The following TBC1D32 variants were observed in gnomAD, a reference collection of about 807,000 sequenced individuals.
TBC1D32 encodes TBC1 domain family member 32.
Under a neutral mutation model 170.3 loss-of-function variants are expected in TBC1D32, and 151 were observed. That is an observed-to-expected ratio of 0.89 (90% CI 0.78 to 1.01). The LOEUF (loss-of-function observed/expected upper bound fraction) is 1.01, where lower values mean the gene tolerates loss of function less well. Among genes scored for constraint, TBC1D32 ranks in the 50% least tolerant of loss-of-function variants. The probability of loss-of-function intolerance (pLI) is 0.00; values close to 1 mark genes in which losing one functional copy is unlikely to be tolerated. For synonymous variants in TBC1D32, 498 were observed against 488.0 expected, an observed-to-expected ratio of 1.02 and a Z score of -0.27; for missense variants, 1,464 against 1,457.1, an observed-to-expected ratio of 1.00 and a Z score of -0.08.
chr6:121,216,531 T>C (rs146779924), intron 21 of TBC1D32, among the ~76,000 whole-genome samples: 1 of 152,294 alleles, frequency 6.6e-6, no homozygotes, highest in East Asian at 1.9e-4. Flanking sequence ...AGGACTCTAT[T>C]TCTAAAAGTA....
intron 22 of TBC1D32, among the ~76,000 whole-genome samples, chr6:121,179,321 T>A (rs953978371): frequency 5.3e-5 from 8 of 150,878 alleles, no homozygotes; most frequent in Admixed American, 4.0e-4. Context: ...TGTGCATGTG[T>A]GTGAAAATTA....
chr6:121,294,342 A>G (rs1805299957), intron 11 of TBC1D32, among the ~76,000 whole-genome samples: 1 of 152,200 alleles, frequency 6.6e-6, no homozygotes. Flanking sequence ...ACTGCATCTA[A>G]TAAGAATCAG....
chr6:121,293,353 T>C (rs967638837), intron 11 of TBC1D32, among the ~76,000 whole-genome samples: 47 of 152,126 alleles, frequency 3.1e-4, no homozygotes, highest in African/African-American at 1.1e-3. Flanking sequence ...CTACACTTTC[T>C]CCTCCCCTAC....
Position 121,081,027 on chromosome 6 carries a change from T to A in TBC1D32, c.3655-137A>T, listed in dbSNP as rs1775591045. The A allele has an allele frequency of 1.2e-4, 108 of 929,232 alleles. No individual in the cohort carries two copies. In the South Asian group the frequency reaches 1.9e-3, roughly 16 times the overall value. The allele number at this position is 929,232 out of a possible 1,614,324, so 57.6% of individuals were successfully genotyped here. A position where few individuals can be genotyped will look rare whatever the true frequency, so the allele number is the denominator to read the frequency against. On this transcript the variant is annotated intron_variant, in intron 31 of 31. Transcript: ENST00000398212. Reference sequence around the variant, plus strand: ...GCTGTTTATGTTGCCAGTAAATGTGTCATTGCTTTTTATTTAGTGAGCTGT... The same window carrying A: ...GCTGTTTATGTTGCCAGTAAATGTGACATTGCTTTTTATTTAGTGAGCTGT...
chr6:121,149,741 C>T (rs1397431655), intron 24 of TBC1D32, among the ~76,000 whole-genome samples: 1 of 152,024 alleles, frequency 6.6e-6, no homozygotes, highest in African/African-American at 2.4e-5. Context: ...GCTATACGGG[C>T]TCTCTATCGG....
At chr6:121,142,764 A>G (rs762644640) in intron 24 of TBC1D32, among the ~76,000 whole-genome samples, 6 of 152,190 alleles carry the variant, frequency 3.9e-5, no homozygotes, top group Non-Finnish European at 7.4e-5. Flanking sequence ...CTGAAATGCA[A>G]CATAGTAGAG....
chr6:121,247,082 G>T (rs113743909), intron 17 of TBC1D32, among the ~76,000 whole-genome samples: 7,713 of 152,022 alleles, frequency 0.051, 370 homozygotes, highest in African/African-American at 0.12. Flanking sequence ...AAAAGCATCA[G>T]GTAACCTGTA....
intron 5 of TBC1D32, 73 bp from the exon 6 acceptor site, chr6:121,304,906 C>T: frequency 2.1e-6 from 2 of 965,872 alleles, no homozygotes; most frequent in East Asian, 2.4e-5. Flanking sequence ...ATTTTTCACA[C>T]AGTAAAAACT....
At chr6:121,263,173 T>C (rs1799989323) in intron 15 of TBC1D32, among the ~76,000 whole-genome samples, 2 of 151,582 alleles carry the variant, frequency 1.3e-5, no homozygotes, top group Non-Finnish European at 2.9e-5. Flanking sequence ...GTGTGCTGTA[T>C]TCAAGAGACT....
intron 22 of TBC1D32, among the ~76,000 whole-genome samples, chr6:121,174,648 C>T (rs1027884089): frequency 1.3e-5 from 2 of 152,156 alleles, no homozygotes; most frequent in African/African-American, 4.8e-5. Context: ...AAACATATTA[C>T]AAACTGTAAG....
At chr6:121,111,021 T>A (rs553444083) in intron 29 of TBC1D32, among the ~76,000 whole-genome samples, 1 of 152,146 alleles carries the variant, frequency 6.6e-6, no homozygotes, top group African/African-American at 2.4e-5. Context: ...TAGAAAGGTG[T>A]CAAGGCTTTA....
chr6:121,324,285 A>C lies in TBC1D32; in HGVS notation c.156-2491T>G, dbSNP rs184638487. ...CAATTTCTTTCATTTTGCAACAAAA[A>C]TTACATTTTATTCCCCCAAAATTAT... On this transcript the variant is annotated intron_variant, in intron 1 of 31. Coordinates refer to ENST00000398212, the MANE Select transcript of TBC1D32 (RefSeq NM_152730.6). Among the ~76,000 whole-genome samples, 132 of 152,304 alleles carry C rather than the reference A, an allele frequency of 8.7e-4. 1 individual carries two copies. The highest frequency in any genetic ancestry group is 8.3e-4 in the South Asian group (4 of 4,824).
chr6:121,085,700 G>A (rs1303615363), intron 31 of TBC1D32, among the ~76,000 whole-genome samples: 1 of 151,950 alleles, frequency 6.6e-6, no homozygotes, highest in African/African-American at 2.4e-5. Flanking sequence ...ATTTTCATAA[G>A]TACCCTAAGT....
chr6:121,292,296 G>T, intron 11 of TBC1D32, 103 bp from the exon 12 acceptor site: 1 of 1,246,716 alleles, frequency 8.0e-7, no homozygotes, highest in East Asian at 2.6e-5. Context: ...AGGCTAGAAT[G>T]GAGACATTAC....
intron 23 of TBC1D32, among the ~76,000 whole-genome samples, chr6:121,160,306 T>A (rs1420328655): frequency 6.6e-6 from 1 of 152,142 alleles, no homozygotes; most frequent in Non-Finnish European, 1.5e-5. Flanking sequence ...ACAGAAACAA[T>A]ATTAAATTAG....
At chr6:121,109,529 T>A (rs1322603172) in intron 29 of TBC1D32, among the ~76,000 whole-genome samples, 1 of 152,118 alleles carries the variant, frequency 6.6e-6, no homozygotes, top group Admixed American at 6.6e-5. Context: ...TGAAAATAAT[T>A]TCCTGATTTT....
At chr6:121,155,966 C>A (rs1467207183) in intron 24 of TBC1D32, among the ~76,000 whole-genome samples, 1 of 151,770 alleles carries the variant, frequency 6.6e-6, no homozygotes, top group Non-Finnish European at 1.5e-5. Flanking sequence ...GAATATTTGG[C>A]CTAAAGTTTC....
chr6:121,334,505 A>ACGCGCT, upstream of TBC1D32: 6 of 1,481,652 alleles, frequency 4.0e-6, no homozygotes, highest in South Asian at 2.5e-5. Flanking sequence ...GCGCACGCGC[A>ACGCGCT]CCCCCACCCA....
intron 21 of TBC1D32, among the ~76,000 whole-genome samples, chr6:121,214,400 G>A (rs769840868): frequency 2.0e-5 from 3 of 152,166 alleles, no homozygotes; most frequent in East Asian, 3.9e-4. Flanking sequence ...TGCCCAGGAT[G>A]AGCCAGACAT....
Sources: allele counts gnomAD v4.1 joint callset (sites outside exome capture counted in the v4.1 genomes callset), GRCh38; gene constraint gnomAD v4.1.1; transcripts MANE v1.5; gene names NCBI Gene and HGNC (gene_info 2026-07-23, HGNC 2026-07-21).